Variants in PLPPR1 observed in about 807,000 individuals in gnomAD.
PLPPR1 encodes the protein phospholipid phosphatase-related protein type 1.
PLPPR1 carries 10 observed loss-of-function variants against 33.1 expected under a neutral mutation model. The ratio of observed to expected loss-of-function variants is 0.30; its 90% CI spans 0.19 to 0.51. The LOEUF (loss-of-function observed/expected upper bound fraction) is 0.51, where lower values mean the gene tolerates loss of function less well. Among genes scored for constraint, PLPPR1 ranks in the 20% least tolerant of loss-of-function variants. PLPPR1 has a pLI of 0.97. For missense variants in PLPPR1, 304 were observed against 408.1 expected (o/e 0.74, Z 2.20); for synonymous variants, 151 against 151.0 (o/e 1.00, Z 0.00).
At chr9:101,238,322 T>G (rs1827372171) in intron 2 of PLPPR1, among the ~76,000 whole-genome samples, 4 of 127,540 alleles carry the variant, frequency 3.1e-5, no homozygotes, top group Non-Finnish European at 4.9e-5. Flanking sequence ...GTATATAGGA[T>G]GTATATATAC....
chr9:101,217,187 T>C (rs1195710606), intron 2 of PLPPR1, among the ~76,000 whole-genome samples: 4 of 152,130 alleles, frequency 2.6e-5, no homozygotes, highest in Non-Finnish European at 4.4e-5. Context: ...TTTGAGGTAG[T>C]AATTATTGAA....
At chr9:101,302,673 G>T (rs544208887) in intron 4 of PLPPR1, among the ~76,000 whole-genome samples, 1 of 152,306 alleles carries the variant, frequency 6.6e-6, no homozygotes, top group South Asian at 2.1e-4. Flanking sequence ...CTCTTACAGT[G>T]TTGAAATGGC....
intron 1 of PLPPR1, among the ~76,000 whole-genome samples, chr9:101,139,099 G>T (rs1345914998): frequency 1.3e-5 from 2 of 151,862 alleles, no homozygotes; most frequent in Non-Finnish European, 2.9e-5. Flanking sequence ...TGTCTTCAAA[G>T]GGTGAAGAAA....
intron 1 of PLPPR1, among the ~76,000 whole-genome samples, chr9:101,072,413 T>C (rs1287111925): frequency 6.6e-6 from 1 of 152,130 alleles, no homozygotes; most frequent in East Asian, 1.9e-4. Context: ...TCTGCATGCA[T>C]TCCATTATAG....
intron 1 of PLPPR1, among the ~76,000 whole-genome samples, chr9:101,099,637 G>A (rs1830871084): frequency 6.6e-6 from 1 of 152,062 alleles, no homozygotes; most frequent in Admixed American, 6.6e-5. Context: ...TGCTTACATT[G>A]TATTAGGTAT....
At chr9:101,276,179 A>G (rs1015903504) in intron 3 of PLPPR1, among the ~76,000 whole-genome samples, 1 of 152,156 alleles carries the variant, frequency 6.6e-6, no homozygotes. Context: ...ATAACATTTT[A>G]TAATTCACAT....
At chr9:101,037,682 C>G (rs1301391747) in intron 1 of PLPPR1, among the ~76,000 whole-genome samples, 2 of 152,066 alleles carry the variant, frequency 1.3e-5, no homozygotes, top group African/African-American at 4.8e-5. Flanking sequence ...CTCAAATGCT[C>G]TAATAATCAG....
intron 1 of PLPPR1, among the ~76,000 whole-genome samples, chr9:101,082,709 C>CCAGTCCCAT (rs1249643767): frequency 6.6e-6 from 1 of 152,178 alleles, no homozygotes; most frequent in Non-Finnish European, 1.5e-5. Context: ...CAAGGATTTT[C>CCAGTCCCAT]CAGTCCCATG....
At chr9:101,291,753 A>G (rs1000324665) in intron 4 of PLPPR1, among the ~76,000 whole-genome samples, 22 of 152,222 alleles carry the variant, frequency 1.4e-4, no homozygotes, top group Admixed American at 9.8e-4. Flanking sequence ...AGGAAAACTA[A>G]CAAACAGAAA....
intron 7 of PLPPR1, among the ~76,000 whole-genome samples, chr9:101,322,780 T>C (rs1033211125): frequency 6.6e-6 from 1 of 152,138 alleles, no homozygotes; most frequent in East Asian, 1.9e-4. Context: ...CTCTTATTAA[T>C]AAGCAAACAA....
intron 2 of PLPPR1, among the ~76,000 whole-genome samples, chr9:101,224,244 G>A (rs1453917527): frequency 2.0e-5 from 3 of 152,304 alleles, no homozygotes; most frequent in Non-Finnish European, 1.5e-5. Flanking sequence ...TTTTGTTGAT[G>A]ATTACACACT....
chr9:101,179,037 A>G (rs1314217302), intron 1 of PLPPR1, among the ~76,000 whole-genome samples: 4 of 152,160 alleles, frequency 2.6e-5, no homozygotes, highest in African/African-American at 9.7e-5. Context: ...CTTTAAGTCA[A>G]TGGGCTAAGA....
intron 4 of PLPPR1, among the ~76,000 whole-genome samples, chr9:101,297,327 A>C (rs558212914): frequency 6.6e-6 from 1 of 152,326 alleles, no homozygotes; most frequent in East Asian, 1.9e-4. Flanking sequence ...TTGCTTCTCT[A>C]ATTCTTTTGT....
chr9:101,130,133 A>G (rs1349181172), intron 1 of PLPPR1, among the ~76,000 whole-genome samples: 1 of 152,212 alleles, frequency 6.6e-6, no homozygotes, highest in Non-Finnish European at 1.5e-5. Context: ...AAATGTCATC[A>G]AATTTACACT....
At chr9:101,131,234 C>T (rs1042404900) in intron 1 of PLPPR1, among the ~76,000 whole-genome samples, 3 of 152,090 alleles carry the variant, frequency 2.0e-5, no homozygotes, top group African/African-American at 7.2e-5. Flanking sequence ...CATGGGTATG[C>T]GTGAATGCAG....
chr9:101,112,185 G>A (rs116918490), intron 1 of PLPPR1, among the ~76,000 whole-genome samples: 1,850 of 152,248 alleles, frequency 0.012, 15 homozygotes, highest in East Asian at 0.032. Flanking sequence ...AAACTTTTGT[G>A]TCAAAAATTA....
intron 1 of PLPPR1, among the ~76,000 whole-genome samples, chr9:101,181,685 C>A (rs1331358457): frequency 6.9e-6 from 1 of 144,952 alleles, no homozygotes; most frequent in Non-Finnish European, 1.5e-5. Flanking sequence ...TGTATATACA[C>A]ACACACATAC....
chr9:101,099,437 A>G (rs1463063214), intron 1 of PLPPR1, among the ~76,000 whole-genome samples: 1 of 151,894 alleles, frequency 6.6e-6, no homozygotes, highest in Non-Finnish European at 1.5e-5. Context: ...TTGTGGTGGG[A>G]AAAAAAAGCA....
intron 2 of PLPPR1, among the ~76,000 whole-genome samples, chr9:101,218,484 A>C (rs1046285093): frequency 4.6e-5 from 7 of 152,158 alleles, no homozygotes; most frequent in Non-Finnish European, 5.9e-5. Flanking sequence ...TACTTGACCT[A>C]TGACTCAGTT....
Sources: gnomAD v4.1 joint callset for allele counts (sites outside exome capture counted in the v4.1 genomes callset) on GRCh38, gnomAD v4.1.1 for gene constraint, MANE v1.5 for transcripts, NCBI Gene and HGNC (gene_info 2026-07-23, HGNC 2026-07-21) for gene names.